ATP8B1: variants seen among roughly 807,000 people sequenced by gnomAD.
ATP8B1 encodes the protein ATPase phospholipid transporting 8B1, also known as phospholipid-transporting ATPase IC.
ATP8B1 carries 80 observed loss-of-function variants against 149.9 expected under a neutral mutation model. The observed-to-expected ratio is 0.53, with a 90% confidence interval of 0.45 to 0.64. The LOEUF is 0.64. Ranked by LOEUF, ATP8B1 falls within the 30% of genes least tolerant of loss-of-function variation. The probability of loss-of-function intolerance (pLI) is 0.00; values close to 1 mark genes in which losing one functional copy is unlikely to be tolerated. For missense variants in ATP8B1, 1,247 were observed against 1,552.6 expected (o/e 0.80, Z 3.31); for synonymous variants, 536 against 562.8 (o/e 0.95, Z 0.67).
intron 1 of ATP8B1, among the ~76,000 whole-genome samples, chr18:57,759,361 C>T (rs1243401908): frequency 6.6e-6 from 1 of 152,056 alleles, no homozygotes; most frequent in Non-Finnish European, 1.5e-5. Flanking sequence ...ATATTTACAA[C>T]TCCAGGGACC....
chr18:57,777,250 T>C (rs1244429179), intron 1 of ATP8B1, among the ~76,000 whole-genome samples: 1 of 152,196 alleles, frequency 6.6e-6, no homozygotes, highest in African/African-American at 2.4e-5. Flanking sequence ...AGTGCTGGAA[T>C]TACAGGTGTG....
At position 57,662,009 on chromosome 18, in the gene ATP8B1, T is replaced by C. The variant is rs536438025; in HGVS notation, c.2418+474A>G. 5.3e-5 allele frequency among the ~76,000 whole-genome samples: 8 copies of C among 152,282 alleles called. No homozygotes were observed. In the East Asian group the frequency reaches 1.2e-3, roughly 22 times the overall value. On this transcript the variant is annotated intron_variant, in intron 21 of 27. Coordinates refer to ENST00000648908, the MANE Select transcript of ATP8B1 (RefSeq NM_001374385.1). The stretch of plus-strand genomic sequence containing the variant: ...CTGGGAGCACAGGCGTGAGCCACTG[T>C]GCTCAGCTATATATATATTTTTCAA...
At chr18:57,728,312 C>T (rs950881616) in intron 2 of ATP8B1, among the ~76,000 whole-genome samples, 1 of 151,984 alleles carries the variant, frequency 6.6e-6, no homozygotes, top group Non-Finnish European at 1.5e-5. Flanking sequence ...AGAACTGATT[C>T]TCTGAAGGAA....
At chr18:57,701,127 G>C (rs1568202363) in intron 5 of ATP8B1, 27 bp from the exon 6 acceptor site, 1 of 1,613,204 alleles carries the variant, frequency 6.2e-7, no homozygotes, top group South Asian at 1.1e-5. Context: ...GGGAAATGCT[G>C]TTTTAAACAT....
intron 1 of ATP8B1, among the ~76,000 whole-genome samples, chr18:57,757,883 T>C (rs1325233196): frequency 6.6e-6 from 1 of 152,256 alleles, no homozygotes; most frequent in African/African-American, 2.4e-5. Flanking sequence ...CCCTGGATTA[T>C]TTCTTTTTCT....
At chr18:57,684,991 A>G (rs1912160210) in intron 14 of ATP8B1, 81 bp downstream of exon 14, 6 of 1,540,598 alleles carry the variant, frequency 3.9e-6, no homozygotes, top group Middle Eastern at 3.4e-4. Flanking sequence ...AGTCTTCCCT[A>G]GACCTTCAAA....
intron 2 of ATP8B1, among the ~76,000 whole-genome samples, chr18:57,715,889 C>A (rs1278389469): frequency 6.6e-6 from 1 of 152,058 alleles, no homozygotes; most frequent in Non-Finnish European, 1.5e-5. Flanking sequence ...AAGAAATCAC[C>A]TGAAGGCACA....
chr18:57,701,575 C>G (rs897794663), intron 4 of ATP8B1, among the ~76,000 whole-genome samples: 6 of 152,114 alleles, frequency 3.9e-5, no homozygotes, highest in Admixed American at 6.6e-5. Flanking sequence ...TAACTGGACA[C>G]CAAGGAAGTT....
At chr18:57,751,906 T>G (rs560386972) in intron 1 of ATP8B1, among the ~76,000 whole-genome samples, 8 of 151,952 alleles carry the variant, frequency 5.3e-5, no homozygotes, top group Admixed American at 2.6e-4. Context: ...TCTAACAGAG[T>G]AAAAATCCAA....
chr18:57,781,213 G>C (rs1455819851), intron 1 of ATP8B1, among the ~76,000 whole-genome samples: 1 of 152,204 alleles, frequency 6.6e-6, no homozygotes, highest in Non-Finnish European at 1.5e-5. Flanking sequence ...GTCTCCCGAG[G>C]TGATTTTTAA....
intron 15 of ATP8B1, among the ~76,000 whole-genome samples, chr18:57,676,717 C>CAAAAAAA (rs58101846): frequency 8.0e-4 from 74 of 92,072 alleles, no homozygotes; most frequent in African/African-American, 1.1e-3. Context: ...GACTCCATTT[C>CAAAAAAA]AAAAAAAAAA....
intron 2 of ATP8B1, among the ~76,000 whole-genome samples, chr18:57,721,079 A>C (rs1275397715): frequency 8.9e-6 from 1 of 112,532 alleles, no homozygotes; most frequent in Admixed American, 9.1e-5. Flanking sequence ...CCTGCCCTAA[A>C]AGAGCTCCTG....
intron 1 of ATP8B1, among the ~76,000 whole-genome samples, chr18:57,733,548 T>C (rs2079811992): frequency 6.6e-6 from 1 of 151,850 alleles, no homozygotes; most frequent in Non-Finnish European, 1.5e-5. Flanking sequence ...CTACTAAAAA[T>C]ATAAAAAATT....
At position 57,674,490 on chromosome 18, in the gene ATP8B1, T is replaced by G. The variant is rs192133194; in HGVS notation, c.1819+344A>C. Among the ~76,000 whole-genome samples, 821 of 147,166 alleles carry G rather than the reference T, an allele frequency of 5.6e-3. 6 individuals are homozygous for G. The highest frequency in any genetic ancestry group is 8.2e-3 in the Non-Finnish European group (551 of 67,094). On this transcript the variant is annotated intron_variant, in intron 16 of 27. Coordinates refer to ENST00000648908, the MANE Select transcript of ATP8B1 (RefSeq NM_001374385.1). ...AGCTCTGCCTCCCGGGTTCACGCCA[T>G]TCTCCTGTCTCAGCCTCCCGAGTGG...
intron 1 of ATP8B1, among the ~76,000 whole-genome samples, chr18:57,770,780 A>G (rs186342259): frequency 2.0e-5 from 3 of 152,360 alleles, no homozygotes; most frequent in East Asian, 3.9e-4. Flanking sequence ...ACATGTCAAC[A>G]TGCCCCAATG....
rs319439 is a variant in ATP8B1, at chr18:57,697,598, G to A, written c.698+20C>T. On this transcript the variant is annotated intron_variant, in intron 8 of 27. Transcript: ENST00000648908. ...CCTTCAAAGGCCAGCTTTAAATCAGGCCCATCGAGACACACTTACCCATCC... is the reference window on the plus strand; with the variant it reads ...CCTTCAAAGGCCAGCTTTAAATCAGACCCATCGAGACACACTTACCCATCC... 0.47 allele frequency: 760,066 copies of A among 1,608,944 alleles called. 184,694 individuals carry two copies. The highest frequency in any genetic ancestry group is 0.71 in the East Asian group (31,737 of 44,814).
intron 1 of ATP8B1, among the ~76,000 whole-genome samples, chr18:57,759,827 A>G (rs1436500405): frequency 9.0e-6 from 1 of 110,654 alleles, no homozygotes; most frequent in East Asian, 2.1e-4. Context: ...TCGGGAAAGA[A>G]AAAAAAAAAA....
At position 57,750,991 on chromosome 18, in the gene ATP8B1, A is replaced by C. The variant is rs541985681; in HGVS notation, c.-25-19159T>G. Among the ~76,000 whole-genome samples the C allele has an allele frequency of 3.9e-5, 6 of 152,216 alleles. No individual in the cohort carries two copies. The East Asian group carries it at 1.2e-3, about 29-fold the overall frequency. On this transcript the variant is annotated intron_variant, in intron 1 of 27. Transcript: ENST00000648908. ...GAAAATTAGCCGGGCGTGGTGGCGC[A>C]CACCTGCTATAATCCCAGCCACTTG...
chr18:57,657,578 C>T (rs1228745879), intron 22 of ATP8B1, among the ~76,000 whole-genome samples: 1 of 152,202 alleles, frequency 6.6e-6, no homozygotes, highest in East Asian at 1.9e-4. Context: ...CCTACGTTTT[C>T]AGTAACACTT....
Sources: gnomAD v4.1 joint callset for allele counts (sites outside exome capture counted in the v4.1 genomes callset) on GRCh38, gnomAD v4.1.1 for gene constraint, MANE v1.5 for transcripts, NCBI Gene and HGNC (gene_info 2026-07-23, HGNC 2026-07-21) for gene names.